Variants in DOCK2 observed in about 807,000 individuals in gnomAD.
The protein encoded by DOCK2 is dedicator of cytokinesis 2.
A neutral mutation model predicts 248.9 loss-of-function variants in DOCK2; 87 were observed. The ratio of observed to expected loss-of-function variants is 0.35; its 90% CI spans 0.29 to 0.42. The LOEUF is 0.42. Ranked by LOEUF, DOCK2 falls within the 10% of genes least tolerant of loss-of-function variation. The probability of loss-of-function intolerance (pLI) is 1.00; values close to 1 mark genes in which losing one functional copy is unlikely to be tolerated. For synonymous variants in DOCK2, 805 were observed against 821.6 expected, an observed-to-expected ratio of 0.98 and a Z score of 0.35; for missense variants, 1,747 against 2,300.2, an observed-to-expected ratio of 0.76 and a Z score of 4.92.
chr5:169,973,119 C>T (rs1777587084), intron 27 of DOCK2, among the ~76,000 whole-genome samples: 1 of 152,170 alleles, frequency 6.6e-6, no homozygotes, highest in African/African-American at 2.4e-5. Flanking sequence ...TCCTTTTATC[C>T]ACAAAGTAAT....
intron 27 of DOCK2, among the ~76,000 whole-genome samples, chr5:169,889,631 T>G (rs1251289943): frequency 6.6e-6 from 1 of 152,172 alleles, no homozygotes; most frequent in Non-Finnish European, 1.5e-5. Flanking sequence ...AGTCAGCAAG[T>G]TTTTTCTTTA....
intron 26 of DOCK2, among the ~76,000 whole-genome samples, chr5:169,806,671 C>T (rs915614822): frequency 6.6e-6 from 1 of 152,222 alleles, no homozygotes; most frequent in African/African-American, 2.4e-5. Context: ...TGGTTTTCTA[C>T]ACTGTCATGC....
chr5:169,795,502 C>T (rs1482427511), intron 25 of DOCK2, among the ~76,000 whole-genome samples: 1 of 152,122 alleles, frequency 6.6e-6, no homozygotes, highest in Non-Finnish European at 1.5e-5. Flanking sequence ...TCATGGGGAG[C>T]TGCTGAAGAA....
intron 32 of DOCK2, among the ~76,000 whole-genome samples, chr5:170,010,978 G>A (rs1049990147): frequency 5.3e-5 from 8 of 152,210 alleles, no homozygotes; most frequent in Non-Finnish European, 7.4e-5. Context: ...TTATGCTGAT[G>A]AATGAAAAGA....
At chr5:169,687,269 A>G (rs1223095549) in intron 8 of DOCK2, among the ~76,000 whole-genome samples, 1 of 152,102 alleles carries the variant, frequency 6.6e-6, no homozygotes, top group Non-Finnish European at 1.5e-5. Flanking sequence ...TTTACTGCAA[A>G]CTCCACTACA....
At chr5:169,901,655 A>G (rs1054184846) in intron 27 of DOCK2, among the ~76,000 whole-genome samples, 17 of 152,192 alleles carry the variant, frequency 1.1e-4, no homozygotes, top group African/African-American at 4.1e-4. Flanking sequence ...AACACTGAGT[A>G]TTACATTAGT....
At chr5:169,870,813 A>G (rs1378857261) in intron 27 of DOCK2, among the ~76,000 whole-genome samples, 1 of 152,176 alleles carries the variant, frequency 6.6e-6, no homozygotes, top group Non-Finnish European at 1.5e-5. Flanking sequence ...GGCAAAGGGA[A>G]GTCATACTGT....
At chr5:169,963,321 C>G (rs527316650) in intron 27 of DOCK2, among the ~76,000 whole-genome samples, 2 of 152,300 alleles carry the variant, frequency 1.3e-5, no homozygotes, top group East Asian at 3.9e-4. Flanking sequence ...GCAGCCCTGA[C>G]CTGACTTGGC....
intron 27 of DOCK2, among the ~76,000 whole-genome samples, chr5:169,901,692 T>C (rs1773935250): frequency 6.6e-6 from 1 of 152,062 alleles, no homozygotes; most frequent in Non-Finnish European, 1.5e-5. Flanking sequence ...GGCGGAAAGA[T>C]GTAGAGAAAG....
intron 25 of DOCK2, among the ~76,000 whole-genome samples, chr5:169,788,204 A>G (rs1766108066): frequency 1.3e-5 from 2 of 151,992 alleles, no homozygotes; most frequent in South Asian, 4.2e-4. Flanking sequence ...TCTCTTTATC[A>G]CTTGCATGCT....
At chr5:170,025,718 C>CAGTCT (rs1366790219) in intron 33 of DOCK2, among the ~76,000 whole-genome samples, 1 of 152,130 alleles carries the variant, frequency 6.6e-6, no homozygotes, top group Non-Finnish European at 1.5e-5. Context: ...TGCAGACTGG[C>CAGTCT]AGTCTAGACT....
In DOCK2 at chr5:170,027,937, C is replaced by A. The variant is rs9791113; in HGVS notation, c.3456C>A (p.Leu1152=). ...GAGGCGACGAGCAGTACATGCAGCT[C>A]CTGGAGTCAATGTAAGTTCAGTGCC... The part of the protein sequence containing the change: ...GGRGDEQYMQ[L]LESILMECAA... The change falls in exon 34 of 52, where the codon CTC becomes CTA. Residue 1152 remains leucine (L), a synonymous_variant. Coordinates refer to ENST00000520908, the MANE Select transcript of DOCK2 (RefSeq NM_004946.3). 8 of 1,611,724 alleles carry A rather than the reference C, an allele frequency of 5.0e-6. No homozygotes were observed. In the South Asian group the frequency reaches 7.7e-5, roughly 16 times the overall value.
chr5:169,732,150 G>A (rs1468231532), intron 22 of DOCK2, among the ~76,000 whole-genome samples: 1 of 152,034 alleles, frequency 6.6e-6, no homozygotes, highest in Non-Finnish European at 1.5e-5. Context: ...ACCATATTTT[G>A]TGAATAAGCC....
At position 169,792,420 on chromosome 5, in the gene DOCK2, ATACATGTATATGTG is replaced by A. The variant is rs559228503; in HGVS notation, c.2555-10632_2555-10619del. ...ATGTGTATATATATTTTATATATGT[ATACATGTATATGTG>A]TACATATATTTTATATATGTGTGTG... On this transcript the variant is annotated intron_variant, in intron 25 of 51. Coordinates refer to ENST00000520908, the MANE Select transcript of DOCK2 (RefSeq NM_004946.3). Among the ~76,000 whole-genome samples, 662 of 150,154 alleles carry A rather than the reference ATACATGTATATGTG, an allele frequency of 4.4e-3. 11 individuals are homozygous for A. Among genetic ancestry groups the A allele is most frequent in the African/African-American group, 0.016 (644 of 40,660 alleles).
chr5:169,807,893 CA>C (rs1340336839), intron 26 of DOCK2, among the ~76,000 whole-genome samples: 2 of 126,690 alleles, frequency 1.6e-5, no homozygotes, highest in Non-Finnish European at 3.4e-5. Flanking sequence ...TAATAAACCA[CA>C]AAATGGCAAA....
chr5:170,055,351 G>A lies in DOCK2; in HGVS notation c.4260G>A (p.Arg1420=). The A allele has an allele frequency of 6.2e-7, 1 of 1,614,096 alleles. No homozygotes were observed. Among genetic ancestry groups the A allele is most frequent in the Middle Eastern group, 1.6e-4 (1 of 6,062 alleles). Residue 1420 remains arginine, a synonymous_variant, in exon 42 of 52, where the codon AGG becomes AGA. Coordinates refer to ENST00000520908, the MANE Select transcript of DOCK2 (RefSeq NM_004946.3). ...TVQPVLDEHP[R]FKNKPVPDQI... The stretch of plus-strand genomic sequence containing the variant: ...AGCCTGTCTTGGATGAACATCCCAG[G>A]TTCAAGAATAAGCCAGTGCCTGACC...
At chr5:169,815,905 G>A (rs1305878508) in intron 26 of DOCK2, among the ~76,000 whole-genome samples, 2 of 152,110 alleles carry the variant, frequency 1.3e-5, no homozygotes, top group East Asian at 1.9e-4. Context: ...GAGGGGCTGC[G>A]GAAGATTTCT....
At chr5:170,055,787 G>A (rs190439804) in intron 42 of DOCK2, among the ~76,000 whole-genome samples, 1 of 152,342 alleles carries the variant, frequency 6.6e-6, no homozygotes, top group East Asian at 1.9e-4. Context: ...GCTCCCAGAG[G>A]GACATCTCCT....
intron 26 of DOCK2, among the ~76,000 whole-genome samples, chr5:169,815,477 C>T (rs1185786357): frequency 1.3e-5 from 2 of 152,180 alleles, no homozygotes; most frequent in African/African-American, 2.4e-5. Context: ...AATCTCATAC[C>T]CTTCTTCACT....
Sources: allele counts gnomAD v4.1 joint callset (sites outside exome capture counted in the v4.1 genomes callset), GRCh38; gene constraint gnomAD v4.1.1; transcripts MANE v1.5; gene names NCBI Gene and HGNC (gene_info 2026-07-23, HGNC 2026-07-21).